The following CCDC171 variants were observed in gnomAD, a reference collection of about 807,000 sequenced individuals.
CCDC171 encodes coiled-coil domain-containing protein 171.
A neutral mutation model predicts 168.2 loss-of-function variants in CCDC171; 177 were observed. The observed-to-expected ratio is 1.05, with a 90% CI of 0.93 to 1.19. The LOEUF (loss-of-function observed/expected upper bound fraction) is 1.19. CCDC171 is among the 50% of genes most tolerant of loss of function. The probability of loss-of-function intolerance (pLI) is 0.00; values close to 1 mark genes in which losing one functional copy is unlikely to be tolerated. For synonymous variants in CCDC171, 687 were observed against 540.8 expected, an observed-to-expected ratio of 1.27 and a Z score of -3.75; for missense variants, 1,991 against 1,539.0, an observed-to-expected ratio of 1.29 and a Z score of -4.91.
intron 7 of CCDC171, among the ~76,000 whole-genome samples, chr9:15,656,737 G>A (rs1173341426): frequency 1.3e-5 from 2 of 152,196 alleles, no homozygotes; most frequent in African/African-American, 4.8e-5. Context: ...ATGTGGTGGG[G>A]TGGTGAGGGC....
intron 21 of CCDC171, among the ~76,000 whole-genome samples, chr9:15,793,946 T>C (rs925545711): frequency 2.0e-5 from 3 of 152,084 alleles, no homozygotes; most frequent in Non-Finnish European, 4.4e-5. Context: ...GATAGTTTTG[T>C]TTTTTGTTTT....
chr9:16,106,018 T>C, the CCDC171 span, among the ~76,000 whole-genome samples: 4 of 152,186 alleles, frequency 2.6e-5, no homozygotes, highest in African/African-American at 9.7e-5. Flanking sequence ...ACCCTTTGGC[T>C]TGGTCCAACG....
chr9:15,646,595 G>C (rs1188632973), intron 7 of CCDC171, among the ~76,000 whole-genome samples: 2 of 152,134 alleles, frequency 1.3e-5, no homozygotes, highest in African/African-American at 4.8e-5. Flanking sequence ...AGTGGGGGTT[G>C]TAATCTTAGT....
chr9:15,907,555 C>G (rs569805761), intron 24 of CCDC171, among the ~76,000 whole-genome samples: 1 of 152,142 alleles, frequency 6.6e-6, no homozygotes, highest in Non-Finnish European at 1.5e-5. Flanking sequence ...CATAAAAACC[C>G]TAGAAGAAAA....
intron 16 of CCDC171, among the ~76,000 whole-genome samples, chr9:15,740,265 C>T (rs1227581771): frequency 6.6e-6 from 1 of 152,024 alleles, no homozygotes; most frequent in Admixed American, 6.6e-5. Context: ...TTCCAGAAGG[C>T]CATCCAGTTA....
At chr9:16,007,614 G>C (rs769270904) in intron 3 of CCDC171, among the ~76,000 whole-genome samples, 5 of 152,096 alleles carry the variant, frequency 3.3e-5, no homozygotes, top group Non-Finnish European at 4.4e-5. Flanking sequence ...TTAGTATAAG[G>C]TGTAAGGAAG....
intron 25 of CCDC171, among the ~76,000 whole-genome samples, chr9:15,954,339 C>T (rs973817545): frequency 6.6e-6 from 1 of 152,008 alleles, no homozygotes. Flanking sequence ...CTTAGCACTG[C>T]TTCCACTGCA....
intron 18 of CCDC171, among the ~76,000 whole-genome samples, chr9:15,749,267 G>A (rs2055541816): frequency 6.6e-6 from 1 of 152,114 alleles, no homozygotes; most frequent in Non-Finnish European, 1.5e-5. Flanking sequence ...AACAAGAAGA[G>A]CTAACTATCC....
At chr9:15,989,923 C>T (rs1260038627) in intron 3 of CCDC171, among the ~76,000 whole-genome samples, 1 of 152,104 alleles carries the variant, frequency 6.6e-6, no homozygotes, top group Non-Finnish European at 1.5e-5. Flanking sequence ...AAATATGGGA[C>T]TATGTGAAAA....
At chr9:16,089,336 A>T in the CCDC171 span, among the ~76,000 whole-genome samples, 2 of 151,880 alleles carry the variant, frequency 1.3e-5, no homozygotes, top group Non-Finnish European at 2.9e-5. Flanking sequence ...TTGCCTGTTC[A>T]CTCTGATGGT....
intron 3 of CCDC171, among the ~76,000 whole-genome samples, chr9:15,993,966 G>A (rs942624094): frequency 3.3e-5 from 5 of 152,186 alleles, no homozygotes; most frequent in Non-Finnish European, 5.9e-5. Context: ...TGGAGAAATA[G>A]GAACACTTCT....
intron 7 of CCDC171, among the ~76,000 whole-genome samples, chr9:15,646,837 A>G (rs2047080282): frequency 6.6e-6 from 1 of 152,220 alleles, no homozygotes; most frequent in Non-Finnish European, 1.5e-5. Flanking sequence ...CATTAGACAG[A>G]TCAACTGGAC....
intron 10 of CCDC171, among the ~76,000 whole-genome samples, chr9:15,687,071 A>G (rs2050448180): frequency 6.6e-6 from 1 of 152,222 alleles, no homozygotes; most frequent in Admixed American, 6.5e-5. Context: ...CTCTGACCAT[A>G]ATGAAATTAA....
At chr9:15,917,114 T>G (rs1824637283) in intron 24 of CCDC171, among the ~76,000 whole-genome samples, 1 of 151,974 alleles carries the variant, frequency 6.6e-6, no homozygotes, top group South Asian at 2.1e-4. Flanking sequence ...ACCTTTCTTT[T>G]GTATTAAGGA....
chr9:15,665,050 C>T (rs2048628262), intron 8 of CCDC171, among the ~76,000 whole-genome samples: 2 of 152,142 alleles, frequency 1.3e-5, no homozygotes, highest in African/African-American at 4.8e-5. Context: ...CATCGCCCAG[C>T]TTCAATACTT....
intron 7 of CCDC171, among the ~76,000 whole-genome samples, chr9:15,635,880 G>C (rs1409935836): frequency 6.6e-6 from 1 of 152,148 alleles, no homozygotes; most frequent in Non-Finnish European, 1.5e-5. Flanking sequence ...GTTTTGTACA[G>C]TGGCAGCATT....
chr9:16,062,211 G>A (rs1411828732), downstream of CCDC171, among the ~76,000 whole-genome samples: 1 of 152,098 alleles, frequency 6.6e-6, no homozygotes, highest in Non-Finnish European at 1.5e-5. Flanking sequence ...ACAAGAAAGG[G>A]GAGAAGGTTA....
intron 21 of CCDC171, among the ~76,000 whole-genome samples, chr9:15,837,026 T>C (rs898390393): frequency 1.3e-5 from 2 of 152,216 alleles, no homozygotes; most frequent in African/African-American, 4.8e-5. Context: ...GCAACCCTCT[T>C]CACTAGTTTG....
chr9:15,554,693 C>A (rs1378975036), intron 1 of CCDC171, among the ~76,000 whole-genome samples: 1 of 152,130 alleles, frequency 6.6e-6, no homozygotes, highest in Non-Finnish European at 1.5e-5. Context: ...TGATTATGTA[C>A]CTATGCTGAG....
Sources: allele counts gnomAD v4.1 joint callset (sites outside exome capture counted in the v4.1 genomes callset), GRCh38; gene constraint gnomAD v4.1.1; transcripts MANE v1.5; gene names NCBI Gene and HGNC (gene_info 2026-07-23, HGNC 2026-07-21).